IFI27: variants seen among roughly 807,000 people sequenced by gnomAD.
IFI27 encodes interferon alpha-inducible protein 27, mitochondrial.
A neutral mutation model predicts 8.9 loss-of-function variants in IFI27; 3 were observed. The ratio of observed to expected loss-of-function variants is 0.34; its 90% CI spans 0.15 to 0.87. The LOEUF is 0.87. Ranked by LOEUF, IFI27 falls within the 40% of genes least tolerant of loss-of-function variation. The pLI is 0.51. For missense variants in IFI27, 152 were observed against 157.7 expected, an observed-to-expected ratio of 0.96 and a Z score of 0.19; for synonymous variants, 66 against 67.3, an observed-to-expected ratio of 0.98 and a Z score of 0.09.
chr14:94,116,025 T>A lies in IFI27; in HGVS notation c.283+83T>A. 1 of 1,281,562 alleles carries A rather than the reference T, an allele frequency of 7.8e-7. No homozygotes were observed. Among genetic ancestry groups the A allele is most frequent in the East Asian group, 2.5e-5 (1 of 39,770 alleles). 79.4% of individuals were successfully genotyped at this position (1,281,562 alleles called of 1,614,324 possible). ...GGACCCAGTCCCAATCTCAACCCTA[T>A]GAACCTCAATCTCCCTGTTCCTCTG... On this transcript the variant is annotated intron_variant, in intron 4 of 4. Transcript: ENST00000621160. This position sits in a 1 kb window ranked among gnomAD's most constrained non-coding sequence, Gnocchi z 4.3.
Position 94,116,661 on chromosome 14 carries a change from AAAATAAG to A in IFI27, c.*141_*147del. On this transcript the variant is annotated 3_prime_UTR_variant, in exon 5 of 5. Coordinates refer to ENST00000621160, the Ensembl canonical transcript of IFI27. The surrounding 1 kb of genome is among the most constrained non-coding windows in gnomAD (Gnocchi z 4.3). ...ATACCAAATTCTGCATCTCCAGAGG[AAAATAAG>A]AAATAAAGATGAATTGTTGCAACTC... The A allele has an allele frequency of 1.5e-6, 1 of 663,984 alleles. No homozygotes were observed. The highest frequency in any genetic ancestry group is 1.7e-5 in the South Asian group (1 of 57,406). 41.1% of individuals were successfully genotyped at this position (663,984 alleles called of 1,614,324 possible). A position where few individuals can be genotyped will look rare whatever the true frequency, so the allele number is the denominator to read the frequency against.
rs765502229 is a variant in IFI27 at position 94,116,511 on chromosome 14, T to C, written c.353T>C (p.Ile118Thr). 3.1e-6 allele frequency: 5 copies of C among 1,613,186 alleles called. No individual in the cohort carries two copies. Among genetic ancestry groups the C allele is most frequent in the Non-Finnish European group, 3.4e-6 (4 of 1,179,644 alleles). Residue 118 changes from isoleucine to threonine, a missense_variant, in exon 5 of 5, where the codon ATT becomes ACT. Physicochemically the swap from Ile to Thr is moderately conservative, Grantham distance 89. Coordinates refer to ENST00000621160, the Ensembl canonical transcript of IFI27. The surrounding 1 kb of genome is among the most constrained non-coding windows in gnomAD (Gnocchi z 4.3). The stretch of plus-strand genomic sequence containing the variant: ...ATTGGGTCTGCCATTGCGGCTGTCA[T>C]TGCGAGGTTCTACTAGCTCCCTGCC...
intron 2 of IFI27, chr14:94,112,085 C>A (rs992430073): frequency 1.3e-5 from 6 of 466,016 alleles, no homozygotes; most frequent in Admixed American, 6.8e-5. Flanking sequence ...TCCCTTCCCC[C>A]AGATTCACCA....
chr14:94,110,733 G>A (rs1198428923), upstream of IFI27: 1 of 152,190 alleles, frequency 6.6e-6, no homozygotes, highest in Non-Finnish European at 1.5e-5. Flanking sequence ...CACACCCTTT[G>A]GGAACACATC....
At chr14:94,110,991 A>G (rs1245025635) in intron 1 of IFI27, 194 bp downstream of exon 1, 2 of 154,442 alleles carry the variant, frequency 1.3e-5, no homozygotes, top group African/African-American at 4.8e-5. Context: ...AAGGACAATT[A>G]GCTTTGTCCT....
chr14:94,116,411 C>G lies in IFI27; in HGVS notation c.284-31C>G. On this transcript the variant is annotated intron_variant, in intron 4 of 4. Transcript: ENST00000621160. This position sits in a 1 kb window ranked among gnomAD's most constrained non-coding sequence, Gnocchi z 4.3. Reference sequence around the variant, plus strand: ...CACAGAGCTTCCCCGACAGGCATGTCCCACTCTGTCCACCCTCTGCTTCTT... The same window carrying G: ...CACAGAGCTTCCCCGACAGGCATGTGCCACTCTGTCCACCCTCTGCTTCTT... 6.6e-7 allele frequency: 1 copy of G among 1,509,350 alleles called. No individual in the cohort carries two copies. Among genetic ancestry groups the G allele is most frequent in the Non-Finnish European group, 9.2e-7 (1 of 1,090,586 alleles). The allele number at this position is 1,509,350 out of a possible 1,614,324, so 93.5% of individuals were successfully genotyped here.
upstream of IFI27, among the ~76,000 whole-genome samples, chr14:94,107,164 G>A (rs535673766): frequency 1.0e-3 from 158 of 152,138 alleles, 1 homozygote; most frequent in African/African-American, 3.5e-3. Context: ...CTGCCTCCCG[G>A]GTTCAAGCAA....
chr14:94,114,787 C>G, intron 2 of IFI27, 64 bp from the exon 3 acceptor site: 1 of 1,582,556 alleles, frequency 6.3e-7, no homozygotes. Flanking sequence ...GATGGGCAAT[C>G]GGCTTAGAAA....
Position 94,111,759 on chromosome 14 carries a change from T to C in IFI27, c.77T>C (p.Val26Ala), listed in dbSNP as rs1887196612. ...GTCAGGGTGGCCTCTGGCTCTGCCG[T>C]AGTTTTGCCCCTGGGTGAGTGTTCC... Residue 26 changes from valine to alanine, a missense_variant, in exon 2 of 5, where the codon GTA (valine) becomes GCA (alanine). Transcript: ENST00000621160. This position sits in a 1 kb window ranked among gnomAD's most constrained non-coding sequence, Gnocchi z 4.3. The C allele has an allele frequency of 2.5e-6, 4 of 1,613,808 alleles. No individual in the cohort carries two copies. The highest frequency in any genetic ancestry group is 3.4e-6 in the Non-Finnish European group (4 of 1,179,752).
upstream of IFI27, among the ~76,000 whole-genome samples, chr14:94,110,461 CT>C (rs955150068): frequency 2.6e-4 from 39 of 152,290 alleles, no homozygotes; most frequent in African/African-American, 9.1e-4. Flanking sequence ...GAACTTTGAT[CT>C]TACTTCTTGT....
At chr14:94,108,071 G>T (rs576352117), upstream of IFI27, among the ~76,000 whole-genome samples, 1 of 152,242 alleles carries the variant, frequency 6.6e-6, no homozygotes, top group East Asian at 1.9e-4. Context: ...TCCCACTTAT[G>T]AGTAAGAACA....
upstream of IFI27, among the ~76,000 whole-genome samples, chr14:94,109,793 C>G (rs1220642256): frequency 6.6e-6 from 1 of 152,232 alleles, no homozygotes; most frequent in East Asian, 1.9e-4. Flanking sequence ...CATTTTGAAT[C>G]TTACAACTCG....
At chr14:94,105,956 C>T (rs898448450), upstream of IFI27, 15 of 152,116 alleles carry the variant, frequency 9.9e-5, no homozygotes, top group African/African-American at 3.6e-4. Context: ...TGTCTTAGGC[C>T]GTTTGCACTG....
chr14:94,109,693 G>A (rs1887095992), upstream of IFI27, among the ~76,000 whole-genome samples: 1 of 152,210 alleles, frequency 6.6e-6, no homozygotes, highest in African/African-American at 2.4e-5. Context: ...GTTCCTGTTA[G>A]CAGGCAAACG....
intron 2 of IFI27, chr14:94,114,481 A>G (rs559931628): frequency 3.7e-6 from 1 of 270,008 alleles, no homozygotes. Context: ...TCACAGTAGC[A>G]TGCCTTCCTA....
At chr14:94,106,664 CTT>C (rs1887018918), upstream of IFI27, among the ~76,000 whole-genome samples, 1 of 152,132 alleles carries the variant, frequency 6.6e-6, no homozygotes, top group African/African-American at 2.4e-5. Flanking sequence ...AGACTGAGTA[CTT>C]TATAAAGAAA....
chr14:94,109,294 C>T (rs1887068637), upstream of IFI27, among the ~76,000 whole-genome samples: 2 of 125,822 alleles, frequency 1.6e-5, no homozygotes, highest in South Asian at 5.3e-4. Flanking sequence ...AAGAGCAAAA[C>T]TCCATAAAAA....
chr14:94,116,527 GC>G lies in IFI27; in HGVS notation c.*1del. ...CGGCTGTCATTGCGAGGTTCTACTA[GC>G]TCCCTGCCCCTCGCCCTGCAGAGAA... On this transcript the variant is annotated 3_prime_UTR_variant, in exon 5 of 5. Coordinates refer to ENST00000621160, the Ensembl canonical transcript of IFI27. The surrounding 1 kb of genome is among the most constrained non-coding windows in gnomAD (Gnocchi z 4.3). 2 of 1,611,004 alleles carry G rather than the reference GC, an allele frequency of 1.2e-6. No homozygotes were observed. The highest frequency in any genetic ancestry group is 1.7e-6 in the Non-Finnish European group (2 of 1,178,336).
exon 4 of IFI27, chr14:94,115,878 GGCGGCC>G (rs1567080677): frequency 6.3e-7 from 1 of 1,599,666 alleles, no homozygotes; most frequent in Non-Finnish European, 8.5e-7. Context: ...TGATGTCCGC[GGCGGCC>G]ATTGCCAATG....
Sources: gnomAD v4.1 joint callset for allele counts (sites outside exome capture counted in the v4.1 genomes callset) on GRCh38, gnomAD v4.1.1 for gene constraint, Gnocchi (gnomAD v3.1) non-coding constraint, MANE v1.5 for transcripts, NCBI Gene and HGNC (gene_info 2026-07-23, HGNC 2026-07-21) for gene names.